Variants in LIG3 observed in about 807,000 individuals in gnomAD.
LIG3 encodes the protein ligase II, DNA, ATP-dependent.
LIG3 carries 58 observed loss-of-function variants against 110.9 expected under a neutral mutation model. The observed-to-expected ratio is 0.52, with a 90% CI of 0.42 to 0.65. LIG3 has a LOEUF of 0.65. Ranked by LOEUF, LIG3 falls within the 30% of genes least tolerant of loss-of-function variation. The pLI, the probability that LIG3 is intolerant of heterozygous loss-of-function variation, is 0.00. For synonymous variants in LIG3, 422 were observed against 472.8 expected, an observed-to-expected ratio of 0.89 and a Z score of 1.39; for missense variants, 1,094 against 1,273.8, an observed-to-expected ratio of 0.86 and a Z score of 2.15.
chr17:35,001,448 A>G (rs1307725879), intron 17 of LIG3, 45 bp downstream of exon 17: 4 of 1,585,366 alleles, frequency 2.5e-6, no homozygotes, highest in South Asian at 1.1e-5. Flanking sequence ...CCCACTGTCC[A>G]GGCCTTGGAG....
intron 3 of LIG3, among the ~76,000 whole-genome samples, chr17:34,986,703 C>T (rs1030458479): frequency 2.0e-5 from 3 of 152,180 alleles, no homozygotes; most frequent in Non-Finnish European, 2.9e-5. Flanking sequence ...GACTTTTTCC[C>T]CTTGAAATAG....
Position 35,007,332 on chromosome 17 carries a change from G to C in LIG3, c.*2826G>C, listed in dbSNP as rs1342394015. On this transcript the variant is annotated 3_prime_UTR_variant, in exon 20 of 20. Coordinates refer to ENST00000378526, the MANE Select transcript of LIG3 (RefSeq NM_013975.4). ...ATTTTCTTCCAGTCTTTGCTGCTGA[G>C]ATCTGACTGTATATACTATTTTGTA... The C allele has an allele frequency of 2.0e-5, 3 of 152,242 alleles. No individual in the cohort carries two copies. Among genetic ancestry groups the C allele is most frequent in the Admixed American group, 1.3e-4 (2 of 15,288 alleles). The allele number at this position is 152,242 out of a possible 1,614,324, so 9.4% of individuals were successfully genotyped here. A position where few individuals can be genotyped will look rare whatever the true frequency, so the allele number is the denominator to read the frequency against.
Position 34,997,723 on chromosome 17 carries a change from T to G in LIG3, c.1824-15T>G. On this transcript the variant is annotated splice_polypyrimidine_tract_variant and intron_variant, in intron 11 of 19. Transcript: ENST00000378526. ...GAGGATCCCGGCCTAACCTCAGCTC[T>G]CCTGTTCTCCTCAGACCTCTGTGTG... is the stretch of plus-strand genomic sequence containing the variant. 6.2e-7 allele frequency: 1 copy of G among 1,605,050 alleles called. No homozygotes were observed. The highest frequency in any genetic ancestry group is 8.5e-7 in the Non-Finnish European group (1 of 1,171,732).
chr17:34,997,314 G>T (rs193236507), intron 11 of LIG3: 306 of 178,200 alleles, frequency 1.7e-3, no homozygotes, highest in Middle Eastern at 2.8e-3. Context: ...AGGAATTGGT[G>T]GGGGTAGGAT....
chr17:34,986,491 T>G (rs757183018), intron 3 of LIG3, among the ~76,000 whole-genome samples: 4 of 152,076 alleles, frequency 2.6e-5, no homozygotes, highest in Non-Finnish European at 4.4e-5. Flanking sequence ...CTGACTAATT[T>G]TTGTATTTTT....
At chr17:34,981,580 T>TA (rs2090593594) in intron 1 of LIG3, 1 of 152,242 alleles carries the variant, frequency 6.6e-6, no homozygotes, top group Non-Finnish European at 1.5e-5. Flanking sequence ...TACCCTGCTT[T>TA]AGAAATAAGA....
intron 9 of LIG3, among the ~76,000 whole-genome samples, chr17:34,995,718 T>G (rs1213188533): frequency 1.3e-5 from 2 of 152,190 alleles, no homozygotes; most frequent in African/African-American, 4.8e-5. Context: ...GTCACACATC[T>G]TCTGCAGTAG....
chr17:35,002,541 C>T, intron 18 of LIG3, 127 bp from the exon 19 acceptor site: 1 of 953,428 alleles, frequency 1.0e-6, no homozygotes, highest in South Asian at 1.7e-5. Flanking sequence ...CTCTGTCATC[C>T]AGGCTGGAGT....
chr17:34,991,183 C>T, intron 5 of LIG3, 69 bp downstream of exon 5: 1 of 1,469,082 alleles, frequency 6.8e-7, no homozygotes, highest in East Asian at 2.3e-5. Context: ...CACCTGCAGC[C>T]TCTTTTTTTT....
At position 34,995,101 on chromosome 17, in the gene LIG3, G is replaced by T. The variant is rs555544473; in HGVS notation, c.1611+670G>T. Among the ~76,000 whole-genome samples, 48 of 152,308 alleles carry T rather than the reference G, an allele frequency of 3.2e-4. No homozygotes were observed. The South Asian group carries it at 9.5e-3, about 30-fold the overall frequency. On this transcript the variant is annotated intron_variant, in intron 9 of 19. Coordinates refer to ENST00000378526, the MANE Select transcript of LIG3 (RefSeq NM_013975.4). ...GGCTCCGGTAGCTTGTGAGCAGATG[G>T]AATTCCTATCTTTGCTATCCTTTTC...
intron 8 of LIG3, 47 bp downstream of exon 8, chr17:34,992,739 A>G: frequency 6.6e-7 from 1 of 1,508,522 alleles, no homozygotes; most frequent in Non-Finnish European, 8.9e-7. Context: ...TCCAAGCTCC[A>G]CATCCTTTGG....
In LIG3 at chr17:34,996,103, G is replaced by C; in HGVS notation, c.1651G>C (p.Gly551Arg). 6.2e-7 allele frequency: 1 copy of C among 1,614,028 alleles called. No individual in the cohort carries two copies. Among genetic ancestry groups the C allele is most frequent in the Non-Finnish European group, 8.5e-7 (1 of 1,179,956 alleles). ...GGACTACATTCCCCAGGCTTTTCCT[G>C]GGGGCCACAGCATGATCTTGGATTC... is the stretch of plus-strand genomic sequence containing the variant. ...FKDYIPQAFP[G>R]GHSMILDSEV... is the part of the protein sequence containing the mutation. The change falls in exon 10 of 20, where the codon GGG (glycine) becomes CGG (arginine). Residue 551 changes from glycine to arginine, a missense_variant. Transcript: ENST00000378526.
At chr17:35,001,436 A>C (rs1358015949) in intron 17 of LIG3, 33 bp downstream of exon 17, 2 of 1,605,322 alleles carry the variant, frequency 1.2e-6, no homozygotes, top group Admixed American at 1.7e-5. Context: ...TGTATTCTCC[A>C]CCCCACTGTC....
chr17:34,991,286 T>C lies in LIG3; in HGVS notation c.1041+172T>C, dbSNP rs534988842. The C allele has an allele frequency of 2.3e-4, 149 of 642,640 alleles. 1 individual carries two copies. The East Asian group carries it at 4.1e-3, about 18-fold the overall frequency. 39.8% of individuals were successfully genotyped at this position (642,640 alleles called of 1,614,324 possible). ...GAGCTGAATGTGAGGCTATAGCTCT[T>C]AATTTCTTAAGTTTCTGAGGGTGGA... On this transcript the variant is annotated intron_variant, in intron 5 of 19. Transcript: ENST00000378526.
chr17:34,994,790 G>C (rs1057173926), intron 9 of LIG3, among the ~76,000 whole-genome samples: 1 of 152,132 alleles, frequency 6.6e-6, no homozygotes, highest in African/African-American at 2.4e-5. Context: ...TTATATACCA[G>C]GGGCTATTGG....
In LIG3 at chr17:34,986,016, A is replaced by G; in HGVS notation, c.576A>G (p.Pro192=). 2 of 1,614,124 alleles carry G rather than the reference A, an allele frequency of 1.2e-6. No homozygotes were observed. Among genetic ancestry groups the G allele is most frequent in the East Asian group, 4.5e-5 (2 of 44,874 alleles). The part of the protein sequence containing the change: ...ADLSSKAAGT[P]KKKAVVQAKL... ...TGTCTTCTAAGGCAGCAGGTACACC[A>G]AAGAAGAAAGCTGTTGTCCAGGCTA... The change falls in exon 3 of 20, where the codon CCA becomes CCG. Residue 192 remains proline (P), a synonymous_variant. Coordinates refer to ENST00000378526, the MANE Select transcript of LIG3 (RefSeq NM_013975.4).
rs765577134 is a variant in LIG3 at position 34,998,666 on chromosome 17, G to A, written c.2052G>A (p.Gly684=). The A allele has an allele frequency of 2.3e-5, 37 of 1,614,190 alleles. No homozygotes were observed. The East Asian group carries it at 7.8e-4, about 34-fold the overall frequency. Reference sequence around the variant, plus strand: ...TGAAGAAAGACTATTTGAACGAGGGGGCCATGGCCGACACAGCTGACCTGG... The same window carrying A: ...TGAAGAAAGACTATTTGAACGAGGGAGCCATGGCCGACACAGCTGACCTGG... ...LKVKKDYLNE[G]AMADTADLVV... The change falls in exon 14 of 20, where the codon GGG becomes GGA. Residue 684 remains glycine (G), a synonymous_variant. Coordinates refer to ENST00000378526, the MANE Select transcript of LIG3 (RefSeq NM_013975.4).
chr17:35,005,148 T>C lies in LIG3; in HGVS notation c.*642T>C, dbSNP rs888432959. On this transcript the variant is annotated 3_prime_UTR_variant, in exon 20 of 20. Coordinates refer to ENST00000378526, the MANE Select transcript of LIG3 (RefSeq NM_013975.4). Reference sequence around the variant, plus strand: ...GTCAGGTAGGAAAATGGGGCCTTTATGAAGAAAGGGGAGGTTATTTGGGCC... The same window carrying C: ...GTCAGGTAGGAAAATGGGGCCTTTACGAAGAAAGGGGAGGTTATTTGGGCC... 8.3e-6 allele frequency: 3 copies of C among 359,856 alleles called. No individual in the cohort carries two copies. Among genetic ancestry groups the C allele is most frequent in the Non-Finnish European group, 1.6e-5 (3 of 182,554 alleles). 22.3% of individuals were successfully genotyped at this position (359,856 alleles called of 1,614,324 possible).
At chr17:34,997,294 T>A (rs1292984870) in intron 11 of LIG3, 1 of 175,434 alleles carries the variant, frequency 5.7e-6, no homozygotes, top group East Asian at 1.3e-4. Context: ...GAGAAGGAAG[T>A]AGAGAGGGAA....
Sources: allele counts gnomAD v4.1 joint callset (sites outside exome capture counted in the v4.1 genomes callset), GRCh38; gene constraint gnomAD v4.1.1; transcripts MANE v1.5; gene names NCBI Gene and HGNC (gene_info 2026-07-23, HGNC 2026-07-21).